ZNF550: variants seen among roughly 807,000 people sequenced by gnomAD.
ZNF550 encodes zinc finger protein 550.
In ZNF550, 42 loss-of-function variants were observed where a neutral mutation model predicts 40.2. The ratio of observed to expected loss-of-function variants is 1.05; its 90% CI spans 0.82 to 1.35. ZNF550 has a LOEUF of 1.35. ZNF550 is among the 40% of genes most tolerant of loss of function. ZNF550 has a pLI of 0.00. For synonymous variants in ZNF550, 223 were observed against 198.6 expected (o/e 1.12, Z -1.03); for missense variants, 549 against 525.2 (o/e 1.05, Z -0.44).
At chr19:57,551,863 G>A (rs191407107) in intron 3 of ZNF550, among the ~76,000 whole-genome samples, 19 of 152,314 alleles carry the variant, frequency 1.2e-4, no homozygotes, top group Admixed American at 6.5e-5. Flanking sequence ...AGGGCAAGAG[G>A]GGCAGGAAGA....
At chr19:57,548,291 G>A (rs1278533672) in intron 3 of ZNF550, among the ~76,000 whole-genome samples, 1 of 152,090 alleles carries the variant, frequency 6.6e-6, no homozygotes, top group East Asian at 1.9e-4. Context: ...ATTGTCTGAA[G>A]GGCATTTGCT....
chr19:57,553,327 C>A (rs1283258674), intron 2 of ZNF550: 1 of 152,272 alleles, frequency 6.6e-6, no homozygotes, highest in Non-Finnish European at 1.5e-5. Flanking sequence ...CCCATGACCT[C>A]CGTCTATGGA....
chr19:57,560,411 C>G (rs997535640), upstream of ZNF550, among the ~76,000 whole-genome samples: 1 of 152,200 alleles, frequency 6.6e-6, no homozygotes, highest in East Asian at 1.9e-4. Flanking sequence ...TGAGTCCCCG[C>G]CCGCTTCCGG....
At chr19:57,547,168 A>T in exon 4 of ZNF550, 4 of 1,613,692 alleles carry the variant, frequency 2.5e-6, no homozygotes, top group Non-Finnish European at 3.4e-6. Flanking sequence ...CTGGTGCTGT[A>T]TGAGTTCTGA....
chr19:57,559,536 G>T, intron 1 of ZNF550, 120 bp downstream of exon 1: 1 of 988,706 alleles, frequency 1.0e-6, no homozygotes, highest in Non-Finnish European at 1.3e-6. Flanking sequence ...CCCCTTCTAG[G>T]CCTCTAAGAA....
At chr19:57,543,914 G>A (rs974471787) in intron 4 of ZNF550, 14 of 960,724 alleles carry the variant, frequency 1.5e-5, no homozygotes, top group Non-Finnish European at 1.6e-5. Context: ...CTCCAGCCTG[G>A]GCAACAAGAG....
intron 3 of ZNF550, among the ~76,000 whole-genome samples, chr19:57,551,691 G>T (rs544693070): frequency 1.3e-5 from 2 of 152,290 alleles, no homozygotes; most frequent in African/African-American, 2.4e-5. Flanking sequence ...AATGGGAAGG[G>T]AGGTATTTGG....
At chr19:57,559,560 C>G in intron 1 of ZNF550, 96 bp downstream of exon 1, 1 of 1,257,030 alleles carries the variant, frequency 8.0e-7, no homozygotes. Flanking sequence ...ACGGCAGGGA[C>G]TGCACTGAGG....
intron 4 of ZNF550, chr19:57,543,708 G>T: frequency 1.3e-6 from 1 of 799,568 alleles, no homozygotes; most frequent in Non-Finnish European, 1.5e-6. Flanking sequence ...GGCAGAGGCG[G>T]GTGGACTACA....
chr19:57,545,528 GAAAAT>G (rs2090000700), intron 4 of ZNF550, among the ~76,000 whole-genome samples: 1 of 152,288 alleles, frequency 6.6e-6, no homozygotes, highest in East Asian at 1.9e-4. Context: ...TGTTGCCAGA[GAAAAT>G]AAAGACAACA....
At chr19:57,545,596 T>C (rs1421910599) in intron 4 of ZNF550, among the ~76,000 whole-genome samples, 1 of 152,070 alleles carries the variant, frequency 6.6e-6, no homozygotes, top group African/African-American at 2.4e-5. Context: ...TTTGAAACCA[T>C]ATTAGGCTAG....
intron 4 of ZNF550, chr19:57,543,933 T>G (rs2089985132): frequency 1.0e-6 from 1 of 981,256 alleles, no homozygotes; most frequent in Admixed American, 6.1e-5. Flanking sequence ...AGTGAAACTC[T>G]GTCTCAAAAA....
rs1238572050 is a variant in ZNF550 at position 57,548,946 on chromosome 19, C to G, written c.251-953G>C. Among the ~76,000 whole-genome samples, 3 of 151,946 alleles carry G rather than the reference C, an allele frequency of 2.0e-5. No individual in the cohort carries two copies. In the East Asian group the frequency reaches 5.8e-4, roughly 29 times the overall value. On this transcript the variant is annotated intron_variant, in intron 3 of 4. Transcript: ENST00000457177. ...CAACAACAGGGATGGAACTAAAAAT[C>G]AAAACAACTGAACTCATGGAGAGAG...
At chr19:57,560,411 C>T (rs997535640), upstream of ZNF550, among the ~76,000 whole-genome samples, 3 of 152,200 alleles carry the variant, frequency 2.0e-5, no homozygotes, top group Non-Finnish European at 2.9e-5. Flanking sequence ...TGAGTCCCCG[C>T]CCGCTTCCGG....
chr19:57,558,854 G>C (rs2090145057), intron 1 of ZNF550, among the ~76,000 whole-genome samples: 1 of 152,168 alleles, frequency 6.6e-6, no homozygotes, highest in South Asian at 2.1e-4. Flanking sequence ...TCTCCAAAGG[G>C]ACACTACATC....
At chr19:57,546,378 T>A in intron 4 of ZNF550, 1 of 572,390 alleles carries the variant, frequency 1.7e-6, no homozygotes, top group Non-Finnish European at 2.2e-6. Context: ...AAAACCCCTT[T>A]ACCTCTCAAA....
In ZNF550 at chr19:57,552,612, C is replaced by CTTG; in HGVS notation, c.250+14_250+15insCAA. 6.3e-7 allele frequency: 1 copy of CTTG among 1,585,918 alleles called. No individual in the cohort carries two copies. Among genetic ancestry groups the CTTG allele is most frequent in the Non-Finnish European group, 8.5e-7 (1 of 1,170,458 alleles). On this transcript the variant is annotated intron_variant, in intron 3 of 4. Transcript: ENST00000457177. ...GACTGCCATGACTCCACATGACCAG[C>CTTG]TGGTGGCTGCTTACCTGCACAGGTA...
At chr19:57,543,951 A>C (rs1600170476) in intron 4 of ZNF550, 1 of 985,014 alleles carries the variant, frequency 1.0e-6, no homozygotes, top group African/African-American at 1.7e-5. Context: ...AAACAAAACA[A>C]AAAACATGTT....
exon 4 of ZNF550, chr19:57,546,776 A>G: frequency 7.3e-7 from 1 of 1,365,804 alleles, no homozygotes. Context: ...AGGGATCCTT[A>G]CATTCACTGT....
Sources: allele counts gnomAD v4.1 joint callset (sites outside exome capture counted in the v4.1 genomes callset), GRCh38; gene constraint gnomAD v4.1.1; transcripts MANE v1.5; gene names NCBI Gene and HGNC (gene_info 2026-07-23, HGNC 2026-07-21).